Variants in SCAPER observed in about 807,000 individuals in gnomAD.
SCAPER encodes the protein S phase cyclin A-associated protein in the endoplasmic reticulum.
In SCAPER, 98 loss-of-function variants were observed where a neutral mutation model predicts 182.2. That is an observed-to-expected ratio of 0.54 (90% confidence interval 0.46 to 0.64). The LOEUF is 0.64. Ranked by LOEUF, SCAPER falls within the 30% of genes least tolerant of loss-of-function variation. The probability of loss-of-function intolerance (pLI) is 0.00; values close to 1 mark genes in which losing one functional copy is unlikely to be tolerated. For synonymous variants in SCAPER, 605 were observed against 564.6 expected (o/e 1.07, Z -1.01); for missense variants, 1,432 against 1,690.0 (o/e 0.85, Z 2.68).
At chr15:76,841,709 T>C in intron 5 of SCAPER, 25 bp downstream of exon 5, 1 of 1,609,158 alleles carries the variant, frequency 6.2e-7, no homozygotes, top group Non-Finnish European at 8.5e-7. Flanking sequence ...TCAAATGGAT[T>C]ACAAGGCCTC....
chr15:76,558,011 A>C (rs535828002), intron 23 of SCAPER, among the ~76,000 whole-genome samples: 36 of 152,224 alleles, frequency 2.4e-4, no homozygotes, highest in Non-Finnish European at 4.6e-4. Context: ...AAATGGATTA[A>C]AGACTTAAAT....
chr15:76,523,071 G>A (rs2144340954), intron 23 of SCAPER, among the ~76,000 whole-genome samples: 1 of 151,956 alleles, frequency 6.6e-6, no homozygotes, highest in East Asian at 1.9e-4. Flanking sequence ...TTCCAAAATA[G>A]GTCAGCTTAA....
intron 20 of SCAPER, among the ~76,000 whole-genome samples, chr15:76,690,345 C>T (rs879614153): frequency 1.1e-4 from 16 of 151,914 alleles, no homozygotes; most frequent in Non-Finnish European, 2.2e-4. Flanking sequence ...TCCTCAAAAC[C>T]GATAGGGCCA....
At chr15:76,851,943 C>T (rs2070801370) in intron 4 of SCAPER, among the ~76,000 whole-genome samples, 1 of 151,836 alleles carries the variant, frequency 6.6e-6, no homozygotes, top group Non-Finnish European at 1.5e-5. Flanking sequence ...TCAAGAGACC[C>T]ATATCACACA....
chr15:76,637,752 G>A (rs1328126149), intron 21 of SCAPER, among the ~76,000 whole-genome samples: 14,683 of 47,840 alleles, frequency 0.31, 1,142 homozygotes, highest in Middle Eastern at 0.37. Flanking sequence ...ATGTGTGTGT[G>A]TGTGTGTGTG....
At chr15:76,706,394 C>T (rs138169857) in intron 17 of SCAPER, among the ~76,000 whole-genome samples, 31 of 152,184 alleles carry the variant, frequency 2.0e-4, no homozygotes, top group Non-Finnish European at 3.2e-4. Flanking sequence ...AGCTGAGAAG[C>T]AATCCTGAGA....
intron 17 of SCAPER, among the ~76,000 whole-genome samples, chr15:76,718,282 A>G (rs2059998434): frequency 6.6e-6 from 1 of 152,234 alleles, no homozygotes; most frequent in Non-Finnish European, 1.5e-5. Context: ...AGCAGTTGTA[A>G]GAGGGAAGTT....
At chr15:76,817,017 T>C (rs1320890635) in intron 5 of SCAPER, among the ~76,000 whole-genome samples, 1 of 152,206 alleles carries the variant, frequency 6.6e-6, no homozygotes, top group Non-Finnish European at 1.5e-5. Context: ...GTATGCACTA[T>C]ACTTCCATGC....
chr15:76,423,164 T>C (rs1365229500), intron 26 of SCAPER, among the ~76,000 whole-genome samples: 1 of 152,238 alleles, frequency 6.6e-6, no homozygotes, highest in Non-Finnish European at 1.5e-5. Flanking sequence ...TCCCTCTTTT[T>C]GTATTGATTG....
At chr15:76,533,505 G>C (rs2043856412) in intron 23 of SCAPER, among the ~76,000 whole-genome samples, 2 of 152,056 alleles carry the variant, frequency 1.3e-5, no homozygotes, top group South Asian at 4.1e-4. Context: ...TAGCCTATGT[G>C]TGAAGCAGGC....
intron 16 of SCAPER, among the ~76,000 whole-genome samples, chr15:76,730,291 T>C (rs2060842553): frequency 6.6e-6 from 1 of 152,106 alleles, no homozygotes; most frequent in Non-Finnish European, 1.5e-5. Flanking sequence ...TTCTTTCTTT[T>C]TTTTTTGAGG....
rs554435306 is a variant in SCAPER, at chr15:76,580,033, T to C, written c.2712-5749A>G. Reference sequence around the variant, plus strand: ...ACACAGATATGTAAAGCAAATATTATTAGAACTAAAGAGAGAGACAGACCC... The same window carrying C: ...ACACAGATATGTAAAGCAAATATTACTAGAACTAAAGAGAGAGACAGACCC... On this transcript the variant is annotated intron_variant, in intron 22 of 31. Coordinates refer to ENST00000563290, the MANE Select transcript of SCAPER (RefSeq NM_020843.4). Among the ~76,000 whole-genome samples the C allele has an allele frequency of 2.0e-5, 3 of 152,206 alleles. No individual in the cohort carries two copies. The South Asian group carries it at 6.2e-4, about 32-fold the overall frequency.
At chr15:76,718,386 T>C (rs921636099) in intron 17 of SCAPER, among the ~76,000 whole-genome samples, 1 of 152,068 alleles carries the variant, frequency 6.6e-6, no homozygotes, top group East Asian at 1.9e-4. Context: ...AGAGAGTTAA[T>C]ATCCAAAATA....
intron 27 of SCAPER, among the ~76,000 whole-genome samples, chr15:76,399,636 T>C (rs992803992): frequency 3.9e-5 from 6 of 152,230 alleles, no homozygotes; most frequent in Non-Finnish European, 7.3e-5. Context: ...TCATCAGCTA[T>C]TGCTTTTCTA....
chr15:76,398,411 C>T (rs1170408438), intron 27 of SCAPER, among the ~76,000 whole-genome samples: 1 of 152,202 alleles, frequency 6.6e-6, no homozygotes, highest in Non-Finnish European at 1.5e-5. Context: ...AGTCCTTAGA[C>T]AAAATTGATG....
intron 21 of SCAPER, among the ~76,000 whole-genome samples, chr15:76,650,223 T>C (rs975552045): frequency 2.0e-5 from 3 of 151,914 alleles, no homozygotes; most frequent in Admixed American, 6.6e-5. Context: ...AAGAGACAAA[T>C]GTCCAGACTA....
At chr15:76,643,963 A>T (rs1255915149) in intron 21 of SCAPER, among the ~76,000 whole-genome samples, 1 of 152,184 alleles carries the variant, frequency 6.6e-6, no homozygotes, top group Non-Finnish European at 1.5e-5. Flanking sequence ...ATCTGATCTG[A>T]TGAAGAACTA....
intron 27 of SCAPER, among the ~76,000 whole-genome samples, chr15:76,399,564 A>G (rs572123300): frequency 6.9e-4 from 105 of 152,376 alleles, no homozygotes; most frequent in Non-Finnish European, 1.1e-3. Context: ...TCAGAGGATC[A>G]CGATTTCAAT....
rs141476506 is a variant in SCAPER at position 76,590,376 on chromosome 15, GGAAA to G, written c.2712-16096_2712-16093del. Among the ~76,000 whole-genome samples, 551 of 152,124 alleles carry G rather than the reference GGAAA, an allele frequency of 3.6e-3. 6 individuals are homozygous for G. The highest frequency in any genetic ancestry group is 0.013 in the African/African-American group (537 of 41,492). On this transcript the variant is annotated intron_variant, in intron 22 of 31. Coordinates refer to ENST00000563290, the MANE Select transcript of SCAPER (RefSeq NM_020843.4). ...TTTTTTCAATAGCATCCTATTTAAG[GGAAA>G]GAGAATGTCATAACTGTTGGCAGAG...
Sources: allele counts gnomAD v4.1 joint callset (sites outside exome capture counted in the v4.1 genomes callset), GRCh38; gene constraint gnomAD v4.1.1; transcripts MANE v1.5; gene names NCBI Gene and HGNC (gene_info 2026-07-23, HGNC 2026-07-21).